GAD2: variants seen among roughly 807,000 people sequenced by gnomAD.
The protein encoded by GAD2 is 65 kDa glutamic acid decarboxylase.
In GAD2, 22 loss-of-function variants were observed where a neutral mutation model predicts 80.1. The observed-to-expected ratio is 0.27, with a 90% CI of 0.20 to 0.39. GAD2 has a LOEUF of 0.39. GAD2 is among the 10% of genes least tolerant of loss of function. The pLI is 1.00. For missense variants in GAD2, 624 were observed against 738.4 expected, an observed-to-expected ratio of 0.85 and a Z score of 1.80; for synonymous variants, 274 against 256.9, an observed-to-expected ratio of 1.07 and a Z score of -0.64.
At chr10:26,218,236 C>T (rs1321777151) in intron 3 of GAD2, 18 of 404,652 alleles carry the variant, frequency 4.4e-5, no homozygotes, top group Non-Finnish European at 5.6e-5. Context: ...CCCAGCGCGG[C>T]CCTTGGGATG....
chr10:26,247,662 G>A (rs1213610850), intron 8 of GAD2, among the ~76,000 whole-genome samples: 9 of 151,924 alleles, frequency 5.9e-5, no homozygotes, highest in Admixed American at 5.9e-4. Context: ...TTGGGAGGCC[G>A]AGGCGGGTGG....
chr10:26,243,615 G>C (rs1193684633), intron 7 of GAD2, among the ~76,000 whole-genome samples: 1 of 152,224 alleles, frequency 6.6e-6, no homozygotes, highest in Non-Finnish European at 1.5e-5. Flanking sequence ...AATAACCAAA[G>C]GCACAAAGAC....
chr10:26,218,551 T>TCA (rs59054319), intron 3 of GAD2, among the ~76,000 whole-genome samples: 5,042 of 118,784 alleles, frequency 0.042, 136 homozygotes, highest in Non-Finnish European at 0.062. Context: ...TCTCTCTCTC[T>TCA]CACACACACA....
intron 8 of GAD2, among the ~76,000 whole-genome samples, chr10:26,268,467 CAA>C (rs398045927): frequency 0.011 from 1,011 of 93,550 alleles, 16 homozygotes; most frequent in African/African-American, 0.031. Flanking sequence ...GACTCTGTCT[CAA>C]AAAAAAAAAA....
intron 7 of GAD2, among the ~76,000 whole-genome samples, chr10:26,242,723 A>C (rs866334031): frequency 1.3e-5 from 2 of 152,026 alleles, no homozygotes; most frequent in African/African-American, 4.8e-5. Context: ...TTTTCTTTAA[A>C]TCTGCAGCAT....
intron 8 of GAD2, among the ~76,000 whole-genome samples, chr10:26,253,849 C>T (rs118060640): frequency 6.4e-4 from 97 of 152,216 alleles, no homozygotes; most frequent in African/African-American, 1.5e-3. Flanking sequence ...CCCAGGCAGA[C>T]GCCACAGCAC....
chr10:26,293,791 C>G (rs1202070510), intron 15 of GAD2, among the ~76,000 whole-genome samples: 1 of 152,194 alleles, frequency 6.6e-6, no homozygotes, highest in African/African-American at 2.4e-5. Flanking sequence ...ATAACAGCCA[C>G]TGTTTTGAGT....
At position 26,217,817 on chromosome 10, in the gene GAD2, G is replaced by T; in HGVS notation, c.137-25G>T. 1 of 1,588,156 alleles carries T rather than the reference G, an allele frequency of 6.3e-7. No homozygotes were observed. Among genetic ancestry groups the T allele is most frequent in the South Asian group, 1.1e-5 (1 of 88,792 alleles). ...CCGGGCCCGGCGGAGGATTGACGAG[G>T]CCCGCGTTCGGTGTCCTTACCCAGC... is the stretch of plus-strand genomic sequence containing the variant. On this transcript the variant is annotated intron_variant, in intron 2 of 15. Coordinates refer to ENST00000376261, the MANE Select transcript of GAD2 (RefSeq NM_001134366.2). This position sits in a 1 kb window ranked among gnomAD's most constrained non-coding sequence, Gnocchi z 4.9.
At chr10:26,277,306 T>C (rs913962) in intron 11 of GAD2, among the ~76,000 whole-genome samples, 42,778 of 151,986 alleles carry the variant, frequency 0.28, 7,700 homozygotes, top group African/African-American at 0.51. Context: ...AGTGCAGAAG[T>C]CTTGGCCAGC....
At chr10:26,257,946 C>G (rs1393086942) in intron 8 of GAD2, among the ~76,000 whole-genome samples, 2 of 152,140 alleles carry the variant, frequency 1.3e-5, no homozygotes, top group East Asian at 3.8e-4. Flanking sequence ...GACACCGAAT[C>G]GATTATTCCT....
Position 26,217,813 on chromosome 10 carries a change from C to T in GAD2, c.137-29C>T, listed in dbSNP as rs753672032. On this transcript the variant is annotated intron_variant, in intron 2 of 15. Transcript: ENST00000376261. This position sits in a 1 kb window ranked among gnomAD's most constrained non-coding sequence, Gnocchi z 4.9. ...GGAGCCGGGCCCGGCGGAGGATTGA[C>T]GAGGCCCGCGTTCGGTGTCCTTACC... The T allele has an allele frequency of 8.8e-6, 14 of 1,586,560 alleles. No homozygotes were observed. The highest frequency in any genetic ancestry group is 1.1e-5 in the Non-Finnish European group (13 of 1,165,850).
At chr10:26,235,509 A>T (rs1364837599) in intron 7 of GAD2, among the ~76,000 whole-genome samples, 1 of 152,176 alleles carries the variant, frequency 6.6e-6, no homozygotes. Flanking sequence ...GTTTGAATCA[A>T]CTGTTTTCTT....
chr10:26,283,647 T>G (rs1420464683), intron 12 of GAD2, among the ~76,000 whole-genome samples: 2 of 152,182 alleles, frequency 1.3e-5, no homozygotes, highest in Non-Finnish European at 2.9e-5. Flanking sequence ...GGTACCAAAT[T>G]GTCCATGGGG....
chr10:26,281,169 A>T, intron 12 of GAD2, 82 bp downstream of exon 12: 4 of 1,020,984 alleles, frequency 3.9e-6, no homozygotes, highest in Non-Finnish European at 6.1e-6. Flanking sequence ...TGGAAATGTC[A>T]AGATCACCGG....
intron 8 of GAD2, among the ~76,000 whole-genome samples, chr10:26,257,461 C>G (rs1435079698): frequency 1.3e-5 from 2 of 152,206 alleles, no homozygotes; most frequent in East Asian, 3.9e-4. Context: ...CTCCTCCCCT[C>G]AGGGTACCCC....
intron 13 of GAD2, 56 bp downstream of exon 13, chr10:26,286,550 ACCC>A: frequency 6.7e-7 from 1 of 1,503,448 alleles, no homozygotes; most frequent in Non-Finnish European, 8.9e-7. Flanking sequence ...TTATCTGGTG[ACCC>A]CATTATGAAA....
intron 8 of GAD2, among the ~76,000 whole-genome samples, chr10:26,267,654 C>G (rs1845087312): frequency 6.6e-6 from 1 of 152,062 alleles, no homozygotes; most frequent in Non-Finnish European, 1.5e-5. Flanking sequence ...TTACCATTGC[C>G]CAGGTAATTG....
In GAD2 at chr10:26,265,040, G is replaced by T. The variant is rs76085454; in HGVS notation, c.921-4079G>T. 7.8e-3 allele frequency among the ~76,000 whole-genome samples: 1,189 copies of T among 152,160 alleles called. 21 individuals are homozygous for T. The highest frequency in any genetic ancestry group is 0.027 in the African/African-American group (1,131 of 41,520). ...ATCAGTTCTTCCCTTTGGAGCTATGGGGAATTAGGCATGAAACTGGGACCA... is the reference window on the plus strand; with the variant it reads ...ATCAGTTCTTCCCTTTGGAGCTATGTGGAATTAGGCATGAAACTGGGACCA... On this transcript the variant is annotated intron_variant, in intron 8 of 15. Coordinates refer to ENST00000376261, the MANE Select transcript of GAD2 (RefSeq NM_001134366.2).
chr10:26,225,703 G>C (rs1455249320), intron 6 of GAD2, among the ~76,000 whole-genome samples: 1 of 152,202 alleles, frequency 6.6e-6, no homozygotes, highest in Non-Finnish European at 1.5e-5. Flanking sequence ...CTTAAGTTAA[G>C]CATGTTTGCC....
Sources: gnomAD v4.1 joint callset for allele counts (sites outside exome capture counted in the v4.1 genomes callset) on GRCh38, gnomAD v4.1.1 for gene constraint, Gnocchi (gnomAD v3.1) non-coding constraint, MANE v1.5 for transcripts, NCBI Gene and HGNC (gene_info 2026-07-23, HGNC 2026-07-21) for gene names.